Variants in RCL1 observed in about 807,000 individuals in gnomAD.
The protein encoded by RCL1 is RNA terminal phosphate cyclase like 1.
Under a neutral mutation model 42.4 loss-of-function variants are expected in RCL1, and 24 were observed. The ratio of observed to expected loss-of-function variants is 0.57; its 90% CI spans 0.41 to 0.80. RCL1 has a LOEUF of 0.80. RCL1 is among the 30% of genes least tolerant of loss of function. The probability of loss-of-function intolerance (pLI) is 0.00; values close to 1 mark genes in which losing one functional copy is unlikely to be tolerated. For synonymous variants in RCL1, 228 were observed against 177.3 expected (o/e 1.29, Z -2.27); for missense variants, 578 against 467.9 (o/e 1.24, Z -2.17).
rs1341265988 is a variant in RCL1, at chr9:4,847,109, C to G, written c.868-2338C>G. On this transcript the variant is annotated intron_variant, in intron 7 of 8. Transcript: ENST00000381750. ...GGTCAGGCTGGTCTCGAACTCCTGA[C>G]CTCAGGTGTTCCACCCGCCTCGGCC... Among the ~76,000 whole-genome samples the G allele has an allele frequency of 2.0e-5, 3 of 152,184 alleles. No homozygotes were observed. In the East Asian group the frequency reaches 5.8e-4, roughly 29 times the overall value.
At chr9:4,815,276 C>T (rs577017470) in intron 1 of RCL1, among the ~76,000 whole-genome samples, 1 of 152,006 alleles carries the variant, frequency 6.6e-6, no homozygotes, top group Non-Finnish European at 1.5e-5. Flanking sequence ...TCCTGTAAGT[C>T]TTGTAGGTGT....
intron 1 of RCL1, among the ~76,000 whole-genome samples, chr9:4,798,926 C>A (rs1013905923): frequency 4.7e-5 from 7 of 148,994 alleles, no homozygotes; most frequent in Admixed American, 1.3e-4. Flanking sequence ...TCCTAATGAC[C>A]AGTTTTCAGA....
Position 4,820,080 on chromosome 9 carries a change from T to G in RCL1, c.137-3468T>G, listed in dbSNP as rs146580075. Among the ~76,000 whole-genome samples the G allele has an allele frequency of 2.3e-3, 351 of 152,372 alleles. 2 individuals carry two copies. Among genetic ancestry groups the G allele is most frequent in the Middle Eastern group, 0.017 (5 of 294 alleles). On this transcript the variant is annotated intron_variant, in intron 1 of 8. Transcript: ENST00000381750. ...GCCACTATCCTCACCATTATAGCAT[T>G]GACTTTGATTCTCTTTATAGTTTTA... is the stretch of plus-strand genomic sequence containing the variant.
rs1339951707 is a variant in RCL1, at chr9:4,844,592, G to A, written c.778G>A (p.Ala260Thr). 1 of 1,614,054 alleles carries A rather than the reference G, an allele frequency of 6.2e-7. No individual in the cohort carries two copies. The highest frequency in any genetic ancestry group is 1.1e-5 in the South Asian group (1 of 91,052). ...TSGTFLSAEL[A>T]SNPQGQGAAV... is the part of the protein sequence containing the mutation. ...TGGCACCTTCCTCAGTGCTGAACTG[G>A]CCTCCAACCCCCAGGGCCAGGGAGC... The change falls in exon 7 of 9, where the codon GCC becomes ACC. Residue 260 changes from alanine (A) to threonine (T), a missense_variant. By Grantham distance (58) the Ala-to-Thr change is moderately conservative. Coordinates refer to ENST00000381750, the MANE Select transcript of RCL1 (RefSeq NM_005772.5).
At chr9:4,848,970 TAAGGCCATG>T (rs1036373924) in intron 7 of RCL1, among the ~76,000 whole-genome samples, 3 of 152,172 alleles carry the variant, frequency 2.0e-5, no homozygotes, top group Admixed American at 1.3e-4. Flanking sequence ...AGTGTAAAAG[TAAGGCCATG>T]AAAAGGCCGT....
intron 5 of RCL1, chr9:4,839,937 A>G (rs1817258151): frequency 3.0e-6 from 3 of 984,556 alleles, no homozygotes; most frequent in Non-Finnish European, 3.6e-6. Flanking sequence ...GGCTGGGAGA[A>G]TGGGGCAAAG....
intron 1 of RCL1, among the ~76,000 whole-genome samples, chr9:4,796,274 T>C (rs1842912757): frequency 6.6e-6 from 1 of 152,200 alleles, no homozygotes; most frequent in Admixed American, 6.5e-5. Context: ...GTTATTTCCA[T>C]GTTTAAGTCC....
intron 6 of RCL1, among the ~76,000 whole-genome samples, chr9:4,841,609 A>G (rs1293386706): frequency 6.6e-6 from 1 of 152,230 alleles, no homozygotes; most frequent in Non-Finnish European, 1.5e-5. Context: ...ACCTTTATCT[A>G]TTAATACACA....
chr9:4,814,416 G>C (rs900101081), intron 1 of RCL1, among the ~76,000 whole-genome samples: 1 of 152,026 alleles, frequency 6.6e-6, no homozygotes, highest in South Asian at 2.1e-4. Context: ...CCCTACAGGT[G>C]TTTGCCACCA....
At chr9:4,848,988 G>T (rs1239645344) in intron 7 of RCL1, among the ~76,000 whole-genome samples, 1 of 152,058 alleles carries the variant, frequency 6.6e-6, no homozygotes, top group Non-Finnish European at 1.5e-5. Flanking sequence ...TGAAAAGGCC[G>T]TTTCATGTCA....
At chr9:4,847,116 T>C (rs1403357340) in intron 7 of RCL1, among the ~76,000 whole-genome samples, 4 of 152,106 alleles carry the variant, frequency 2.6e-5, no homozygotes, top group Non-Finnish European at 4.4e-5. Context: ...TGACCTCAGG[T>C]GTTCCACCCG....
In RCL1 at chr9:4,849,522, G is replaced by A; in HGVS notation, c.943G>A (p.Val315Ile). 1.9e-6 allele frequency: 3 copies of A among 1,613,366 alleles called. No homozygotes were observed. The East Asian group carries it at 6.7e-5, about 36-fold the overall frequency. ...MTLGQQDVSKVLLGPLSPYTI... is the reference protein window; with the variant it reads ...MTLGQQDVSKILLGPLSPYTI... ...CCTTGGACAGCAGGATGTTTCCAAA[G>A]TCCTGCTAGGCCCTCTCTCTCCCTA... The change falls in exon 8 of 9, where the codon GTC becomes ATC. Residue 315 changes from valine to isoleucine, a missense_variant. By Grantham distance (29) the Val-to-Ile change is conservative. Transcript: ENST00000381750.
chr9:4,805,699 G>A lies in RCL1; in HGVS notation c.136+12472G>A, dbSNP rs1345201906. Among the ~76,000 whole-genome samples the A allele has an allele frequency of 2.0e-5, 3 of 152,228 alleles. No homozygotes were observed. The South Asian group carries it at 6.2e-4, about 32-fold the overall frequency. On this transcript the variant is annotated intron_variant, in intron 1 of 8. Coordinates refer to ENST00000381750, the MANE Select transcript of RCL1 (RefSeq NM_005772.5). ...TGGTGGGTGTAGCTGAGGGCTTGCGGGTGGTGCAGTGCATGCTGGTGGATG... is the reference window on the plus strand; with the variant it reads ...TGGTGGGTGTAGCTGAGGGCTTGCGAGTGGTGCAGTGCATGCTGGTGGATG...
At chr9:4,827,750 G>A (rs1816810833) in intron 3 of RCL1, among the ~76,000 whole-genome samples, 1 of 118,014 alleles carries the variant, frequency 8.5e-6, no homozygotes, top group Non-Finnish European at 1.8e-5. Context: ...GTGTGTGTGT[G>A]TGTGTGCACG....
At position 4,849,235 on chromosome 9, in the gene RCL1, C is replaced by T. The variant is rs1373745015; in HGVS notation, c.868-212C>T. Among the ~76,000 whole-genome samples the T allele has an allele frequency of 2.0e-5, 3 of 150,850 alleles. No homozygotes were observed. In the East Asian group the frequency reaches 5.8e-4, roughly 29 times the overall value. ...TCTGATAGTCTCATTCTGATAGTCT[C>T]AACTATTACAGTTGCTCTAATTAAC... On this transcript the variant is annotated intron_variant, in intron 7 of 8. Coordinates refer to ENST00000381750, the MANE Select transcript of RCL1 (RefSeq NM_005772.5).
intron 1 of RCL1, among the ~76,000 whole-genome samples, chr9:4,801,617 A>G (rs1425964628): frequency 6.6e-6 from 1 of 151,876 alleles, no homozygotes; most frequent in Non-Finnish European, 1.5e-5. Context: ...TTTAATTTTA[A>G]TGATGTAGAA....
chr9:4,853,228 C>T (rs1451848849), intron 8 of RCL1, among the ~76,000 whole-genome samples: 3 of 151,948 alleles, frequency 2.0e-5, no homozygotes, highest in Non-Finnish European at 4.4e-5. Flanking sequence ...TGAGGCACAG[C>T]GAGGTCAAGT....
intron 1 of RCL1, among the ~76,000 whole-genome samples, chr9:4,816,886 G>C (rs759800003): frequency 6.6e-6 from 1 of 152,030 alleles, no homozygotes; most frequent in African/African-American, 2.4e-5. Flanking sequence ...GCGCGATCTC[G>C]GCTCACTGCA....
At chr9:4,801,026 G>C (rs140203756) in intron 1 of RCL1, among the ~76,000 whole-genome samples, 28 of 152,256 alleles carry the variant, frequency 1.8e-4, no homozygotes, top group African/African-American at 6.7e-4. Context: ...CTAGCATTTG[G>C]TGTTGTCACT....
Sources: gnomAD v4.1 joint callset for allele counts (sites outside exome capture counted in the v4.1 genomes callset) on GRCh38, gnomAD v4.1.1 for gene constraint, MANE v1.5 for transcripts, NCBI Gene and HGNC (gene_info 2026-07-23, HGNC 2026-07-21) for gene names.